Variants in PXN observed in about 807,000 individuals in gnomAD.
The protein encoded by PXN is testicular tissue protein Li 134.
A neutral mutation model predicts 103.6 loss-of-function variants in PXN; 61 were observed. The ratio of observed to expected loss-of-function variants is 0.59; its 90% CI spans 0.48 to 0.73. PXN has a LOEUF of 0.73. PXN is among the 30% of genes least tolerant of loss of function. The pLI is 0.00. For synonymous variants in PXN, 562 were observed against 607.8 expected (o/e 0.92, Z 1.11); for missense variants, 1,274 against 1,460.3 (o/e 0.87, Z 2.08).
intron 1 of PXN, chr12:120,226,010 GC>G: frequency 9.4e-7 from 1 of 1,058,418 alleles, no homozygotes; most frequent in East Asian, 8.1e-5. Context: ...CCTACAGCCC[GC>G]CCCGCCCTCC....
At chr12:120,218,601 C>T (rs1245827939) in intron 7 of PXN, among the ~76,000 whole-genome samples, 3 of 152,144 alleles carry the variant, frequency 2.0e-5, no homozygotes, top group South Asian at 2.1e-4. Context: ...GCCTCGAACT[C>T]CCAACCTCAG....
intron 1 of PXN, among the ~76,000 whole-genome samples, chr12:120,246,324 C>T (rs570853158): frequency 1.0e-4 from 15 of 150,384 alleles, no homozygotes; most frequent in Admixed American, 3.3e-4. Context: ...GTCAGGAGTT[C>T]GAGTCCAGCC....
rs1480668790 is a variant in PXN at position 120,214,845 on chromosome 12, A to G, written c.2728T>C (p.Cys910Arg). The change falls in exon 12 of 15, where the codon TGC becomes CGC. Residue 910 changes from cysteine (C) to arginine (R), a missense_variant. Cys to Arg is a radical substitution (Grantham distance 180). Around this residue, in one of 2 missense-constraint regions of PXN, gnomAD observed 1,178 missense variants for 1,309.0 expected, o/e 0.90. Transcript: ENST00000637617. The surrounding 1 kb of genome is among the most constrained non-coding windows in gnomAD (Gnocchi z 5.0). ...HNLFSPRCYY[C>R]NGPILDKVVT... is the part of the protein sequence containing the mutation. ...CTCACATCCAGGATGGGGCCGTTGC[A>G]GTAGTAGCAGCGCGGGGAGAAGAGG... 1 of 1,613,876 alleles carries G rather than the reference A, an allele frequency of 6.2e-7. No individual in the cohort carries two copies. Among genetic ancestry groups the G allele is most frequent in the Non-Finnish European group, 8.5e-7 (1 of 1,179,882 alleles).
intron 1 of PXN, among the ~76,000 whole-genome samples, chr12:120,232,311 CA>C (rs1458769580): frequency 1.3e-5 from 2 of 152,220 alleles, no homozygotes; most frequent in Non-Finnish European, 2.9e-5. Context: ...CAGGAGCCAC[CA>C]TGCCCATCCC....
Position 120,221,894 on chromosome 12 carries a change from T to C in PXN, c.696-136A>G. The C allele has an allele frequency of 1.5e-6, 2 of 1,309,064 alleles. No individual in the cohort carries two copies. The highest frequency in any genetic ancestry group is 2.0e-6 in the Non-Finnish European group (2 of 984,238). The allele number at this position is 1,309,064 out of a possible 1,614,324, so 81.1% of individuals were successfully genotyped here. ...GGGAGGTCCACCAGCTCCCTGTCTC[T>C]CCTGGGGACCCATCACTGGGTCAGA... On this transcript the variant is annotated intron_variant, in intron 5 of 14. Transcript: ENST00000637617. This position sits in a 1 kb window ranked among gnomAD's most constrained non-coding sequence, Gnocchi z 6.6.
chr12:120,247,112 T>C (rs1891304527), intron 1 of PXN, among the ~76,000 whole-genome samples: 3 of 152,176 alleles, frequency 2.0e-5, no homozygotes, highest in East Asian at 1.9e-4. Context: ...GGCAACATGA[T>C]AGACTTCAGT....
rs1399946792 is a variant in PXN, at chr12:120,221,034, C to T, written c.831+589G>A. Among the ~76,000 whole-genome samples, 3 of 152,140 alleles carry T rather than the reference C, an allele frequency of 2.0e-5. No individual in the cohort carries two copies. Among genetic ancestry groups the T allele is most frequent in the Non-Finnish European group, 4.4e-5 (3 of 68,032 alleles). On this transcript the variant is annotated intron_variant, in intron 6 of 14. Coordinates refer to ENST00000637617, the MANE Select transcript of PXN (RefSeq NM_001385981.1). This position sits in a 1 kb window ranked among gnomAD's most constrained non-coding sequence, Gnocchi z 6.6. The stretch of plus-strand genomic sequence containing the variant: ...CAGCAGGGGAGGGGAAGGGCAGGTA[C>T]CTCGTGCAAGCCTGGCCCCATGGTT...
intron 1 of PXN, among the ~76,000 whole-genome samples, chr12:120,261,231 C>T (rs980614158): frequency 2.0e-5 from 3 of 152,146 alleles, no homozygotes; most frequent in Admixed American, 6.6e-5. Context: ...AAAAGTACCC[C>T]CTAGGCCAGA....
Position 120,221,975 on chromosome 12 carries a change from G to A in PXN, c.696-217C>T, listed in dbSNP as rs1390342929. Among the ~76,000 whole-genome samples the A allele has an allele frequency of 1.3e-5, 2 of 152,176 alleles. No homozygotes were observed. Among genetic ancestry groups the A allele is most frequent in the Non-Finnish European group, 2.9e-5 (2 of 68,022 alleles). ...GCCAGGAAGACTCCTCTAGCCCCCA[G>A]CCCAAGTGAAAGCTGGCCTGCGAAA... On this transcript the variant is annotated intron_variant, in intron 5 of 14. Transcript: ENST00000637617. This position sits in a 1 kb window ranked among gnomAD's most constrained non-coding sequence, Gnocchi z 6.6.
In PXN at chr12:120,229,995, C is replaced by T. The variant is rs570355518; in HGVS notation, c.14-5618G>A. ...GTATAGTCCTGTGGCCCTCAGGCAG[C>T]GCCCCACCTTAGCACGCCTTGCATT... On this transcript the variant is annotated intron_variant, in intron 1 of 14. Transcript: ENST00000637617. This position sits in a 1 kb window ranked among gnomAD's most constrained non-coding sequence, Gnocchi z 4.0. 1.4e-4 allele frequency among the ~76,000 whole-genome samples: 21 copies of T among 152,320 alleles called. No homozygotes were observed. Among genetic ancestry groups the T allele is most frequent in the African/African-American group, 3.8e-4 (16 of 41,570 alleles).
At chr12:120,237,654 C>G (rs537090822) in intron 1 of PXN, among the ~76,000 whole-genome samples, 40 of 152,240 alleles carry the variant, frequency 2.6e-4, no homozygotes, top group South Asian at 1.0e-3. Flanking sequence ...GAGTGCTCCC[C>G]GAGCTGACCC....
chr12:120,232,664 A>C (rs1296396720), intron 1 of PXN, among the ~76,000 whole-genome samples: 1 of 152,136 alleles, frequency 6.6e-6, no homozygotes, highest in East Asian at 1.9e-4. Flanking sequence ...TCTGTTGCAG[A>C]GCAGGGCGGC....
chr12:120,219,490 G>A lies in PXN; in HGVS notation c.1433C>T (p.Thr478Ile). The A allele has an allele frequency of 6.3e-7, 1 of 1,597,872 alleles. No individual in the cohort carries two copies. Among genetic ancestry groups the A allele is most frequent in the Non-Finnish European group, 8.5e-7 (1 of 1,179,572 alleles). The change falls in exon 7 of 15, where the codon ACC (threonine) becomes ATC (isoleucine). Residue 478 changes from threonine to isoleucine, a missense_variant. Around this residue, in one of 2 missense-constraint regions of PXN, gnomAD observed 1,178 missense variants for 1,309.0 expected, o/e 0.90. Coordinates refer to ENST00000637617, the MANE Select transcript of PXN (RefSeq NM_001385981.1). The surrounding 1 kb of genome is among the most constrained non-coding windows in gnomAD (Gnocchi z 6.5). ...GCCATGTTCCTCCGTGAGAGTCCAGGTATCTGGGAAGATGGCCTGCCGGTC... is the reference window on the plus strand; with the variant it reads ...GCCATGTTCCTCCGTGAGAGTCCAGATATCTGGGAAGATGGCCTGCCGGTC... ...AVDRQAIFPDTWTLTEEHGLQ... is the reference protein window; with the variant it reads ...AVDRQAIFPDIWTLTEEHGLQ...
At chr12:120,227,007 T>C (rs1291758635) in intron 1 of PXN, 1 of 986,760 alleles carries the variant, frequency 1.0e-6, no homozygotes, top group African/African-American at 1.7e-5. Context: ...AAATCCAGAA[T>C]AAGGTCTTCC....
chr12:120,246,662 G>A (rs1474397142), intron 1 of PXN, among the ~76,000 whole-genome samples: 2 of 151,872 alleles, frequency 1.3e-5, no homozygotes, highest in Admixed American at 6.6e-5. Flanking sequence ...AGACCATCCT[G>A]GCTAACATGG....
intron 1 of PXN, among the ~76,000 whole-genome samples, chr12:120,233,043 CCCTTT>C (rs1397131810): frequency 5.3e-5 from 8 of 152,314 alleles, no homozygotes; most frequent in Non-Finnish European, 8.8e-5. Flanking sequence ...TCACTTGCCT[CCCTTT>C]CCTTTCATCA....
rs746869375 is a variant in PXN, at chr12:120,211,889, C to A, written c.*425G>T. Reference sequence around the variant, plus strand: ...TCCCCCAATAATCACAGAACAAAGACAATTAGGTCGGGGGAGGAATAAGGA... The same window carrying A: ...TCCCCCAATAATCACAGAACAAAGAAAATTAGGTCGGGGGAGGAATAAGGA... On this transcript the variant is annotated 3_prime_UTR_variant, in exon 15 of 15. Coordinates refer to ENST00000637617, the MANE Select transcript of PXN (RefSeq NM_001385981.1). 2 of 518,334 alleles carry A rather than the reference C, an allele frequency of 3.9e-6. No individual in the cohort carries two copies. The allele number at this position is 518,334 out of a possible 1,614,324, so 32.1% of individuals were successfully genotyped here.
Position 120,229,881 on chromosome 12 carries a change from A to G in PXN, c.14-5504T>C, listed in dbSNP as rs1020243277. 3.3e-5 allele frequency among the ~76,000 whole-genome samples: 5 copies of G among 152,018 alleles called. No homozygotes were observed. Among genetic ancestry groups the G allele is most frequent in the Admixed American group, 1.3e-4 (2 of 15,264 alleles). ...TGGAGTTTACAGGCTGCCCTGCCAC[A>G]CCAGCCCCAGCGCCAGGGCCCCGTG... is the stretch of plus-strand genomic sequence containing the variant. On this transcript the variant is annotated intron_variant, in intron 1 of 14. Coordinates refer to ENST00000637617, the MANE Select transcript of PXN (RefSeq NM_001385981.1). This position sits in a 1 kb window ranked among gnomAD's most constrained non-coding sequence, Gnocchi z 4.0.
rs1011222583 is a variant in PXN, at chr12:120,221,866, C to T, written c.696-108G>A. 3.5e-6 allele frequency: 5 copies of T among 1,425,196 alleles called. No individual in the cohort carries two copies. In the Admixed American group the frequency reaches 1.2e-4, roughly 33 times the overall value. 88.3% of individuals were successfully genotyped at this position (1,425,196 alleles called of 1,614,324 possible). A position where few individuals can be genotyped will look rare whatever the true frequency, so the allele number is the denominator to read the frequency against. On this transcript the variant is annotated intron_variant, in intron 5 of 14. Transcript: ENST00000637617. The surrounding 1 kb of genome is among the most constrained non-coding windows in gnomAD (Gnocchi z 6.6). ...CACTGGGGTCTCACCATCCCCAACC[C>T]CAGGGAGGTCCACCAGCTCCCTGTC... is the stretch of plus-strand genomic sequence containing the variant.
Sources: allele counts gnomAD v4.1 joint callset (sites outside exome capture counted in the v4.1 genomes callset), GRCh38; gene constraint gnomAD v4.1.1; regional missense constraint gnomAD v4.1.1; non-coding constraint Gnocchi (gnomAD v3.1); transcripts MANE v1.5; gene names NCBI Gene and HGNC (gene_info 2026-07-23, HGNC 2026-07-21).